NAALADL2: variants seen among roughly 807,000 people sequenced by gnomAD.
NAALADL2 encodes N-acetylated alpha-linked acidic dipeptidase like 2.
A neutral mutation model predicts 87.2 loss-of-function variants in NAALADL2; 76 were observed. The observed-to-expected ratio is 0.87, with a 90% CI of 0.72 to 1.05. The LOEUF (loss-of-function observed/expected upper bound fraction) is 1.05, where lower values mean the gene tolerates loss of function less well. Among genes scored for constraint, NAALADL2 ranks in the 50% least tolerant of loss-of-function variants. The probability of loss-of-function intolerance (pLI) is 0.00; values close to 1 mark genes in which losing one functional copy is unlikely to be tolerated. For missense variants in NAALADL2, 1,089 were observed against 945.8 expected (o/e 1.15, Z -1.99); for synonymous variants, 354 against 331.0 (o/e 1.07, Z -0.75).
rs543962279 is a variant in NAALADL2, at chr3:174,985,412, A to G, written c.44-111378A>G. Among the ~76,000 whole-genome samples, 5 of 152,254 alleles carry G rather than the reference A, an allele frequency of 3.3e-5. No individual in the cohort carries two copies. The East Asian group carries it at 5.8e-4, about 18-fold the overall frequency. ...GTCAGAATTATTCTTTTCTCTATCA[A>G]TGTATCTCTGTTTCAAGAAAAATCT... On this transcript the variant is annotated intron_variant, in intron 1 of 13. Coordinates refer to ENST00000454872, the MANE Select transcript of NAALADL2 (RefSeq NM_207015.3).
chr3:174,703,303 C>CTTT (rs35658602), intron 2 of NAALADL2, among the ~76,000 whole-genome samples: 2 of 123,202 alleles, frequency 1.6e-5, no homozygotes, highest in African/African-American at 6.0e-5. Flanking sequence ...CCATGCCTGG[C>CTTT]TTTTTTTTTT....
chr3:174,593,127 C>T (rs142231183), intron 2 of NAALADL2, among the ~76,000 whole-genome samples: 1 of 152,260 alleles, frequency 6.6e-6, no homozygotes, highest in African/African-American at 2.4e-5. Context: ...ATATTCTTTA[C>T]ATCTTGGATG....
intron 2 of NAALADL2, among the ~76,000 whole-genome samples, chr3:174,720,804 G>T (rs1415970094): frequency 6.6e-6 from 1 of 152,120 alleles, no homozygotes; most frequent in Non-Finnish European, 1.5e-5. Flanking sequence ...GTATCCTTTG[G>T]TTAATAAATT....
intron 5 of NAALADL2, among the ~76,000 whole-genome samples, chr3:175,428,710 G>A (rs1717237454): frequency 6.6e-6 from 1 of 151,784 alleles, no homozygotes; most frequent in South Asian, 2.1e-4. Context: ...ATTCTCACTG[G>A]GACAACTATA....
intron 3 of NAALADL2, among the ~76,000 whole-genome samples, chr3:174,809,559 A>G (rs1010250291): frequency 7.9e-5 from 12 of 152,132 alleles, no homozygotes; most frequent in Admixed American, 6.6e-5. Context: ...CTTTCTAATA[A>G]CTTGGTTTAT....
chr3:175,410,113 C>G (rs1051701254), intron 5 of NAALADL2, among the ~76,000 whole-genome samples: 4 of 151,966 alleles, frequency 2.6e-5, no homozygotes, highest in Non-Finnish European at 4.4e-5. Context: ...TTTATATTGT[C>G]TAAATAATTC....
intron 9 of NAALADL2, among the ~76,000 whole-genome samples, chr3:175,562,630 T>C (rs1031530633): frequency 1.3e-5 from 2 of 151,952 alleles, no homozygotes; most frequent in Non-Finnish European, 2.9e-5. Flanking sequence ...TGTTAGAAAT[T>C]GCTCTGTAAA....
intron 2 of NAALADL2, chr3:174,692,061 G>T (rs1222367309): frequency 6.6e-6 from 1 of 152,176 alleles, no homozygotes; most frequent in Non-Finnish European, 1.5e-5. Flanking sequence ...ATATTGGTAT[G>T]TTGACCTCCT....
At chr3:175,183,742 T>C (rs73043257) in intron 2 of NAALADL2, among the ~76,000 whole-genome samples, 15 of 152,228 alleles carry the variant, frequency 9.9e-5, no homozygotes, top group African/African-American at 3.4e-4. Flanking sequence ...TAGGATTTTG[T>C]TGAGGACATT....
intron 9 of NAALADL2, among the ~76,000 whole-genome samples, chr3:175,508,481 T>C (rs1730661875): frequency 1.3e-5 from 2 of 152,194 alleles, no homozygotes; most frequent in African/African-American, 4.8e-5. Context: ...ATCCATTTAC[T>C]TAATTTAATA....
intron 2 of NAALADL2, among the ~76,000 whole-genome samples, chr3:174,692,670 A>C (rs74653133): frequency 6.6e-6 from 1 of 152,210 alleles, no homozygotes; most frequent in African/African-American, 2.4e-5. Flanking sequence ...ATACTAGGAC[A>C]AATTACTAAG....
chr3:175,064,446 G>A (rs1051085421), intron 1 of NAALADL2, among the ~76,000 whole-genome samples: 2 of 152,136 alleles, frequency 1.3e-5, no homozygotes, highest in African/African-American at 4.8e-5. Context: ...TAGGCAAAGT[G>A]CCTCAGGGCT....
chr3:174,905,940 A>G (rs957133627), intron 1 of NAALADL2, among the ~76,000 whole-genome samples: 1 of 152,138 alleles, frequency 6.6e-6, no homozygotes, highest in African/African-American at 2.4e-5. Flanking sequence ...GTTTACACAC[A>G]GGTAATGTTA....
chr3:174,581,351 A>C (rs1232949814), intron 2 of NAALADL2, among the ~76,000 whole-genome samples: 2 of 152,188 alleles, frequency 1.3e-5, no homozygotes, highest in Non-Finnish European at 2.9e-5. Context: ...GGGTCAGGGA[A>C]GACTTCAGAG....
chr3:175,537,730 C>G (rs914148237), intron 9 of NAALADL2, among the ~76,000 whole-genome samples: 4 of 152,098 alleles, frequency 2.6e-5, no homozygotes, highest in African/African-American at 9.7e-5. Flanking sequence ...TATGACACAG[C>G]ATAAATGATG....
In NAALADL2 at chr3:174,864,868, TA is replaced by T. The variant is rs534556963; in HGVS notation, c.43+5419del. ...TATTTGATTTATTATTGGAAAGTAT[TA>T]GACTTGATATATAAGTGAAGAAATA... On this transcript the variant is annotated intron_variant, in intron 1 of 13. Transcript: ENST00000454872. Among the ~76,000 whole-genome samples the T allele has an allele frequency of 7.9e-5, 12 of 152,166 alleles. No individual in the cohort carries two copies. In the South Asian group the frequency reaches 2.3e-3, roughly 29 times the overall value.
At chr3:175,338,447 G>C (rs1374697247) in intron 5 of NAALADL2, among the ~76,000 whole-genome samples, 1 of 151,700 alleles carries the variant, frequency 6.6e-6, no homozygotes, top group Non-Finnish European at 1.5e-5. Context: ...ATAGGAGTTG[G>C]GGACAACTTT....
At chr3:175,090,414 G>A (rs931954335) in intron 1 of NAALADL2, among the ~76,000 whole-genome samples, 2 of 151,794 alleles carry the variant, frequency 1.3e-5, no homozygotes, top group Non-Finnish European at 2.9e-5. Context: ...AACTCAGGTG[G>A]GCCCAACTAA....
At chr3:175,188,345 C>T (rs988083659) in intron 2 of NAALADL2, among the ~76,000 whole-genome samples, 4 of 152,116 alleles carry the variant, frequency 2.6e-5, no homozygotes, top group Non-Finnish European at 4.4e-5. Context: ...CAATCATCCC[C>T]TAATATTGCT....
Sources: allele counts gnomAD v4.1 joint callset (sites outside exome capture counted in the v4.1 genomes callset), GRCh38; gene constraint gnomAD v4.1.1; transcripts MANE v1.5; gene names NCBI Gene and HGNC (gene_info 2026-07-23, HGNC 2026-07-21).